Variants in IQCB1 observed in about 807,000 individuals in gnomAD.
IQCB1 encodes the protein IQ calmodulin-binding motif-containing protein 1.
IQCB1 carries 56 observed loss-of-function variants against 84.4 expected under a neutral mutation model. The observed-to-expected ratio is 0.66, with a 90% CI of 0.54 to 0.83. The LOEUF (loss-of-function observed/expected upper bound fraction) is 0.83, where lower values mean the gene tolerates loss of function less well. IQCB1 is among the 40% of genes least tolerant of loss of function. The pLI is 0.00. For synonymous variants in IQCB1, 210 were observed against 234.8 expected, an observed-to-expected ratio of 0.89 and a Z score of 0.96; for missense variants, 629 against 682.1, an observed-to-expected ratio of 0.92 and a Z score of 0.87.
rs1051147699 is a variant in IQCB1, at chr3:121,799,339, T to C, written c.623A>G (p.Tyr208Cys). The C allele has an allele frequency of 1.9e-6, 3 of 1,600,100 alleles. No individual in the cohort carries two copies. The highest frequency in any genetic ancestry group is 2.6e-6 in the Non-Finnish European group (3 of 1,168,878). Residue 208 changes from tyrosine (Y) to cysteine (C), a missense_variant, in exon 8 of 15, where the codon TAT becomes TGT. Tyr to Cys is a radical substitution (Grantham distance 194). Transcript: ENST00000310864. ...DLLRIGRKAL[Y>C]SILDEVIFKL... ...GAAAATAACTTCATCTAAAATTGAA[T>C]ACAGGGCTTTTCTTCCTATTCTGAG...
chr3:121,776,939 G>C (rs1425138363), intron 13 of IQCB1, among the ~76,000 whole-genome samples: 2 of 152,154 alleles, frequency 1.3e-5, no homozygotes, highest in African/African-American at 4.8e-5. Context: ...CTCCCAATCT[G>C]TGCCTTGTTT....
intron 5 of IQCB1, among the ~76,000 whole-genome samples, chr3:121,822,484 C>A (rs140498672): frequency 6.6e-6 from 1 of 152,156 alleles, no homozygotes; most frequent in Non-Finnish European, 1.5e-5. Context: ...AATCTATATA[C>A]AAACTTCCAT....
chr3:121,795,832 G>A (rs1284967620), intron 9 of IQCB1, among the ~76,000 whole-genome samples: 3 of 152,000 alleles, frequency 2.0e-5, no homozygotes, highest in Admixed American at 6.6e-5. Flanking sequence ...TTCATAGTCC[G>A]CCTGACCTTT....
intron 13 of IQCB1, 119 bp from the exon 14 acceptor site, chr3:121,772,832 G>A: frequency 1.1e-6 from 1 of 880,738 alleles, no homozygotes; most frequent in East Asian, 2.4e-5. Context: ...TGAATCTTAT[G>A]ATTGATGTCT....
At chr3:121,796,050 C>T (rs965731251) in intron 9 of IQCB1, among the ~76,000 whole-genome samples, 2 of 152,040 alleles carry the variant, frequency 1.3e-5, no homozygotes, top group African/African-American at 2.4e-5. Flanking sequence ...AATTCTGTCC[C>T]AGTCTCCTGT....
chr3:121,802,680 C>A (rs1277609433), intron 7 of IQCB1, among the ~76,000 whole-genome samples: 1 of 152,094 alleles, frequency 6.6e-6, no homozygotes, highest in Admixed American at 6.6e-5. Context: ...CAACCTTTAT[C>A]ATTTTCTTTC....
chr3:121,811,564 G>A (rs759545190), intron 5 of IQCB1, among the ~76,000 whole-genome samples: 1 of 152,154 alleles, frequency 6.6e-6, no homozygotes, highest in South Asian at 2.1e-4. Context: ...GACCAACCTG[G>A]GACAACTGAG....
At chr3:121,787,548 CGAG>C (rs1559762321) in intron 12 of IQCB1, among the ~76,000 whole-genome samples, 1 of 152,106 alleles carries the variant, frequency 6.6e-6, no homozygotes, top group Non-Finnish European at 1.5e-5. Flanking sequence ...GTCTAGAGAT[CGAG>C]ACCATCCTGG....
intron 5 of IQCB1, among the ~76,000 whole-genome samples, chr3:121,813,872 A>G (rs191828159): frequency 1.0e-3 from 155 of 152,324 alleles, no homozygotes; most frequent in South Asian, 5.0e-3. Flanking sequence ...AATGAGACAG[A>G]AAATTAACAA....
At chr3:121,793,080 G>T (rs1559768655) in intron 10 of IQCB1, among the ~76,000 whole-genome samples, 2 of 152,142 alleles carry the variant, frequency 1.3e-5, no homozygotes, top group Admixed American at 6.5e-5. Flanking sequence ...GTGCCTCAGA[G>T]GGAGAGAGAG....
chr3:121,829,057 T>C, intron 2 of IQCB1, 85 bp from the exon 3 acceptor site: 1 of 778,366 alleles, frequency 1.3e-6, no homozygotes, highest in Non-Finnish European at 2.2e-6. Context: ...ATAATTTCAA[T>C]ATAAATAAAA....
intron 8 of IQCB1, among the ~76,000 whole-genome samples, chr3:121,798,031 T>C (rs1949269302): frequency 6.6e-6 from 1 of 152,020 alleles, no homozygotes; most frequent in Non-Finnish European, 1.5e-5. Context: ...TAAGTTCTGC[T>C]ATTGAGATAT....
At chr3:121,782,701 A>C (rs1948555487) in intron 12 of IQCB1, among the ~76,000 whole-genome samples, 1 of 149,114 alleles carries the variant, frequency 6.7e-6, no homozygotes, top group Non-Finnish European at 1.5e-5. Context: ...TTTTTTTGAG[A>C]TGGAGTCTCG....
intron 2 of IQCB1, among the ~76,000 whole-genome samples, chr3:121,830,598 CATACATATATACAT>C (rs1483436504): frequency 1.3e-5 from 2 of 152,206 alleles, no homozygotes; most frequent in East Asian, 1.9e-4. Context: ...CATTTCCATA[CATACATATATACAT>C]ATACATATAT....
chr3:121,804,720 G>A (rs1219472919), intron 7 of IQCB1, among the ~76,000 whole-genome samples: 1 of 151,922 alleles, frequency 6.6e-6, no homozygotes, highest in Non-Finnish European at 1.5e-5. Context: ...TTGCCCTCAG[G>A]GTTTGACGAC....
chr3:121,802,401 A>C (rs1451068931), intron 7 of IQCB1, among the ~76,000 whole-genome samples: 1 of 152,036 alleles, frequency 6.6e-6, no homozygotes, highest in African/African-American at 2.4e-5. Flanking sequence ...ATTTGATCTA[A>C]GTTGTTAAAT....
intron 5 of IQCB1, among the ~76,000 whole-genome samples, chr3:121,810,118 T>A (rs1402588060): frequency 1.3e-5 from 2 of 152,106 alleles, no homozygotes; most frequent in Admixed American, 1.3e-4. Flanking sequence ...CTTCCTACTT[T>A]CCTTAAAATG....
chr3:121,812,453 G>C (rs760944004), intron 5 of IQCB1, among the ~76,000 whole-genome samples: 4 of 152,192 alleles, frequency 2.6e-5, no homozygotes. Context: ...GCTTCGGAAG[G>C]TGGGTAATAA....
In IQCB1 at chr3:121,769,958, A is replaced by G. The variant is rs1947900511; in HGVS notation, c.*387T>C. The G allele has an allele frequency of 5.4e-6, 1 of 186,580 alleles. No homozygotes were observed. Among genetic ancestry groups the G allele is most frequent in the South Asian group, 1.1e-4 (1 of 9,480 alleles). 11.6% of individuals were successfully genotyped at this position (186,580 alleles called of 1,614,324 possible). ...TGTTAACAGGAAATAGGAATTTCAG[A>G]TAACAAATGTGAAAAGTTGAAATAA... On this transcript the variant is annotated 3_prime_UTR_variant, in exon 15 of 15. Transcript: ENST00000310864.
Sources: gnomAD v4.1 joint callset for allele counts (sites outside exome capture counted in the v4.1 genomes callset) on GRCh38, gnomAD v4.1.1 for gene constraint, MANE v1.5 for transcripts, NCBI Gene and HGNC (gene_info 2026-07-23, HGNC 2026-07-21) for gene names.